Variants in DSC2 observed in about 807,000 individuals in gnomAD.
The protein encoded by DSC2 is desmocollin 2.
In DSC2, 51 loss-of-function variants were observed where a neutral mutation model predicts 87.6. The observed-to-expected ratio is 0.58, with a 90% CI of 0.46 to 0.74. DSC2 has a LOEUF of 0.74. Among genes scored for constraint, DSC2 ranks in the 30% least tolerant of loss-of-function variants. DSC2 has a pLI of 0.00. For synonymous variants in DSC2, 383 were observed against 393.2 expected, an observed-to-expected ratio of 0.97 and a Z score of 0.31; for missense variants, 1,066 against 1,089.5, an observed-to-expected ratio of 0.98 and a Z score of 0.30.
In DSC2 at chr18:31,060,694, C is replaced by T. The variant is rs545156926; in HGVS notation, c.*7321G>A. On this transcript the variant is annotated 3_prime_UTR_variant, in exon 16 of 16. Coordinates refer to ENST00000280904, the MANE Select transcript of DSC2 (RefSeq NM_024422.6). ...ACTTACTTTGCATACATCTTCTTGA[C>T]TAGCAGCATTTATGTGGCAAAACTT... 47 of 152,286 alleles carry T rather than the reference C, an allele frequency of 3.1e-4. No individual in the cohort carries two copies. Among genetic ancestry groups the T allele is most frequent in the African/African-American group, 1.0e-3 (43 of 41,564 alleles). The allele number at this position is 152,286 out of a possible 1,614,324, so 9.4% of individuals were successfully genotyped here.
In DSC2 at chr18:31,068,057, C is replaced by A. The variant is rs748675400; in HGVS notation, c.2664G>T (p.Glu888Asp). ...CTTCTGCTAGTGTCCTAAATTTGGGCTCCAAATTATCCAAAAATTCAAGCC... is the reference window on the plus strand; with the variant it reads ...CTTCTGCTAGTGTCCTAAATTTGGGATCCAAATTATCCAAAAATTCAAGCC... ...EDGLEFLDNLEPKFRTLAEAC... is the reference protein window; with the variant it reads ...EDGLEFLDNLDPKFRTLAEAC... Residue 888 changes from glutamate to aspartate, a missense_variant, in exon 16 of 16, where the codon GAG (glutamate) becomes GAT (aspartate). Transcript: ENST00000280904. 12 of 1,613,904 alleles carry A rather than the reference C, an allele frequency of 7.4e-6. No homozygotes were observed. In the South Asian group the frequency reaches 1.2e-4, roughly 16 times the overall value.
intron 9 of DSC2, among the ~76,000 whole-genome samples, chr18:31,080,806 T>C (rs1179979899): frequency 6.6e-6 from 1 of 152,196 alleles, no homozygotes; most frequent in Non-Finnish European, 1.5e-5. Context: ...GTTAAACCTC[T>C]TTTGTTTATA....
At chr18:31,092,934 T>A (rs1160759909) in intron 2 of DSC2, among the ~76,000 whole-genome samples, 1 of 152,206 alleles carries the variant, frequency 6.6e-6, no homozygotes, top group African/African-American at 2.4e-5. Context: ...ATGTTAATAA[T>A]TATTACTCAA....
intron 12 of DSC2, among the ~76,000 whole-genome samples, chr18:31,073,095 G>C (rs1249054882): frequency 6.6e-6 from 1 of 151,788 alleles, no homozygotes; most frequent in South Asian, 2.1e-4. Context: ...GCCTCTTTAG[G>C]GTATATTCTT....
intron 2 of DSC2, among the ~76,000 whole-genome samples, chr18:31,092,672 G>A (rs1790685): frequency 1 from 151,855 of 152,298 alleles, 75,708 homozygotes; most frequent in Middle Eastern, 1. Flanking sequence ...ATTGGCATTT[G>A]CTAAATGAAA....
At chr18:31,094,296 C>T (rs1418522345) in intron 1 of DSC2, among the ~76,000 whole-genome samples, 1 of 152,180 alleles carries the variant, frequency 6.6e-6, no homozygotes, top group East Asian at 1.9e-4. Context: ...CAAACATTAA[C>T]TTATTGCCAT....
rs886506694 is a variant in DSC2, at chr18:31,080,007, T to C, written c.1521-18A>G. The C allele has an allele frequency of 6.8e-6, 11 of 1,611,830 alleles. No individual in the cohort carries two copies. In the African/African-American group the frequency reaches 1.3e-4, roughly 20 times the overall value. On this transcript the variant is annotated intron_variant, in intron 10 of 15. Transcript: ENST00000280904. ...TCTTATACCTGTTGGTAATGATGAA[T>C]TAAAATAATAAAATTTATCATATGC...
rs1987168697 is a variant in DSC2, at chr18:31,080,231, A to G, written c.1385T>C (p.Val462Ala). ...CTCAGGGCCCTCATCCTGATCTTCT[A>G]CATTAACAGTAACTGTTGCTGTGCT... ...AMSTATVTVN[V>A]EDQDEGPECN... Residue 462 changes from valine (V) to alanine (A), a missense_variant, in exon 10 of 16, where the codon GTA becomes GCA. Physicochemically the swap from Val to Ala is moderately conservative, Grantham distance 64. Coordinates refer to ENST00000280904, the MANE Select transcript of DSC2 (RefSeq NM_024422.6). 3.1e-6 allele frequency: 5 copies of G among 1,614,060 alleles called. No individual in the cohort carries two copies. In the East Asian group the frequency reaches 8.9e-5, roughly 29 times the overall value.
In DSC2 at chr18:31,100,560, T is replaced by C. The variant is rs534184052; in HGVS notation, c.69+1343A>G. 1.1e-4 allele frequency among the ~76,000 whole-genome samples: 17 copies of C among 152,338 alleles called. No individual in the cohort carries two copies. The South Asian group carries it at 3.1e-3, about 28-fold the overall frequency. Reference sequence around the variant, plus strand: ...CCCTTTCTATGTTATTAATATGCCCTGAGAATTCAGTTAAGGGTTTGAAGT... The same window carrying C: ...CCCTTTCTATGTTATTAATATGCCCCGAGAATTCAGTTAAGGGTTTGAAGT... On this transcript the variant is annotated intron_variant, in intron 1 of 15. Transcript: ENST00000280904.
At position 31,067,492 on chromosome 18, in the gene DSC2, T is replaced by A. The variant is rs1986662298; in HGVS notation, c.*523A>T. 6.5e-6 allele frequency: 1 copy of A among 154,020 alleles called. No homozygotes were observed. The highest frequency in any genetic ancestry group is 2.4e-5 in the African/African-American group (1 of 41,456). The allele number at this position is 154,020 out of a possible 1,614,324, so 9.5% of individuals were successfully genotyped here. A position where few individuals can be genotyped will look rare whatever the true frequency, so the allele number is the denominator to read the frequency against. ...AAATGAAATTGTAATAGTCAATGCCTGGCTAGAAATCTCCCTTTGCACAGT... is the reference window on the plus strand; with the variant it reads ...AAATGAAATTGTAATAGTCAATGCCAGGCTAGAAATCTCCCTTTGCACAGT... On this transcript the variant is annotated 3_prime_UTR_variant, in exon 16 of 16. Coordinates refer to ENST00000280904, the MANE Select transcript of DSC2 (RefSeq NM_024422.6).
In DSC2 at chr18:31,074,836, T is replaced by C. The variant is rs1358638028; in HGVS notation, c.1735A>G (p.Lys579Glu). 1.9e-6 allele frequency: 3 copies of C among 1,613,956 alleles called. No homozygotes were observed. Among genetic ancestry groups the C allele is most frequent in the Non-Finnish European group, 2.5e-6 (3 of 1,179,982 alleles). ...GGTTTGCAGATGATCACTGTCTTTT[T>C]AGGTATGAATGGGCTGTTATCATTC... ...DVNDNSPFIP[K>E]KTVIICKPTM... Residue 579 changes from lysine to glutamate, a missense_variant, in exon 12 of 16, where the codon AAA becomes GAA. Lys to Glu is a moderately conservative substitution (Grantham distance 56). Transcript: ENST00000280904.
intron 1 of DSC2, chr18:31,101,156 T>A (rs867774299): frequency 1.0e-6 from 1 of 982,412 alleles, no homozygotes; most frequent in Non-Finnish European, 1.2e-6. Flanking sequence ...CCTTCCTTCC[T>A]CCGAAGATTT....
At chr18:31,083,987 C>G (rs1987316001) in intron 7 of DSC2, among the ~76,000 whole-genome samples, 1 of 152,124 alleles carries the variant, frequency 6.6e-6, no homozygotes. Context: ...GGAAAATTCA[C>G]TTTGTCTAGG....
Position 31,074,737 on chromosome 18 carries a change from G to A in DSC2, c.1834C>T (p.Leu612=), listed in dbSNP as rs1986953255. The A allele has an allele frequency of 6.2e-7, 1 of 1,613,932 alleles. No individual in the cohort carries two copies. Among genetic ancestry groups the A allele is most frequent in the Non-Finnish European group, 8.5e-7 (1 of 1,179,962 alleles). ...PIHGPPFDFS[L]ESSTSEVQRM... is the part of the protein sequence containing the mutation. ...TGTACTTCTGAAGTAGAACTCTCCA[G>A]ACTAAAGTCAAAGGGTGGGCCATGG... Residue 612 remains leucine (L), a synonymous_variant, in exon 12 of 16, where the codon CTG becomes TTG. Coordinates refer to ENST00000280904, the MANE Select transcript of DSC2 (RefSeq NM_024422.6).
intron 4 of DSC2, among the ~76,000 whole-genome samples, chr18:31,090,161 T>C (rs1403938625): frequency 6.6e-6 from 1 of 152,184 alleles, no homozygotes; most frequent in Non-Finnish European, 1.5e-5. Flanking sequence ...GAAAAGCAAA[T>C]TTCCTCCAAG....
chr18:31,101,565 C>T (rs1271317253), intron 1 of DSC2: 1 of 283,122 alleles, frequency 3.5e-6, no homozygotes, highest in African/African-American at 2.7e-5. Context: ...CGCACTCCGA[C>T]CCCGGCGCAC....
intron 11 of DSC2, among the ~76,000 whole-genome samples, chr18:31,077,152 T>C (rs1987048756): frequency 6.6e-6 from 1 of 152,224 alleles, no homozygotes; most frequent in South Asian, 2.1e-4. Flanking sequence ...ACAACGCAAC[T>C]ACCTTCCATT....
chr18:31,064,627 G>A lies in DSC2; in HGVS notation c.*3388C>T, dbSNP rs1986570562. On this transcript the variant is annotated 3_prime_UTR_variant, in exon 16 of 16. Coordinates refer to ENST00000280904, the MANE Select transcript of DSC2 (RefSeq NM_024422.6). ...AGTATGTGTTTGTCTTTTTGCATGA[G>A]TTTGAAGTGCTAGGTTAACAGGGGG... 6.6e-6 allele frequency: 1 copy of A among 152,168 alleles called. No homozygotes were observed. The highest frequency in any genetic ancestry group is 2.1e-4 in the South Asian group (1 of 4,830). 9.4% of individuals were successfully genotyped at this position (152,168 alleles called of 1,614,324 possible). A position where few individuals can be genotyped will look rare whatever the true frequency, so the allele number is the denominator to read the frequency against.
At chr18:31,069,583 T>C (rs946928453) in intron 14 of DSC2, among the ~76,000 whole-genome samples, 14 of 151,842 alleles carry the variant, frequency 9.2e-5, no homozygotes, top group Non-Finnish European at 1.5e-4. Flanking sequence ...GGCATGGTAG[T>C]AGGCACCTGT....
Sources: allele counts gnomAD v4.1 joint callset (sites outside exome capture counted in the v4.1 genomes callset), GRCh38; gene constraint gnomAD v4.1.1; transcripts MANE v1.5; gene names NCBI Gene and HGNC (gene_info 2026-07-23, HGNC 2026-07-21).